Variants in PRELID2 observed in about 807,000 individuals in gnomAD.
PRELID2 encodes PRELI domain-containing protein 2.
PRELID2 carries 25 observed loss-of-function variants against 28.4 expected under a neutral mutation model. The observed-to-expected ratio is 0.88, with a 90% confidence interval of 0.64 to 1.23. The LOEUF is 1.23. PRELID2 is among the 50% of genes most tolerant of loss of function. The probability of loss-of-function intolerance (pLI) is 0.00; values close to 1 mark genes in which losing one functional copy is unlikely to be tolerated. For missense variants in PRELID2, 201 were observed against 214.4 expected (o/e 0.94, Z 0.39); for synonymous variants, 76 against 71.6 (o/e 1.06, Z -0.31).
the PRELID2 span, among the ~76,000 whole-genome samples, chr5:145,405,074 C>G: frequency 6.6e-6 from 1 of 152,142 alleles, no homozygotes; most frequent in African/African-American, 2.4e-5. Flanking sequence ...AAAAAAACTT[C>G]AAGTGCCACG....
rs555276893 is a variant in PRELID2, at chr5:145,803,816, T to C, written c.369-7269A>G. 2.6e-5 allele frequency among the ~76,000 whole-genome samples: 4 copies of C among 151,184 alleles called. No homozygotes were observed. The East Asian group carries it at 7.8e-4, about 29-fold the overall frequency. On this transcript the variant is annotated intron_variant, in intron 4 of 6. Coordinates refer to ENST00000683046, the MANE Select transcript of PRELID2 (RefSeq NM_205846.3). ...CCAGCCCGAGGCAACTCCAAGACTC[T>C]GTAATTCATTAACTTCTAGGTGGAA...
the PRELID2 span, among the ~76,000 whole-genome samples, chr5:145,255,672 T>C: frequency 6.6e-6 from 1 of 151,882 alleles, no homozygotes; most frequent in East Asian, 1.9e-4. Context: ...TCCCAGCTAC[T>C]TGGGAGGCCA....
At chr5:145,330,436 T>C in the PRELID2 span, among the ~76,000 whole-genome samples, 1 of 152,244 alleles carries the variant, frequency 6.6e-6, no homozygotes, top group African/African-American at 2.4e-5. Context: ...TATTAATTGC[T>C]GCCTCAATTT....
intron 1 of PRELID2, among the ~76,000 whole-genome samples, chr5:145,742,160 AATTT>A (rs1235627878): frequency 1.0e-4 from 12 of 117,162 alleles, no homozygotes; most frequent in African/African-American, 1.9e-4. Flanking sequence ...ATTTATTATA[AATTT>A]ATTTATTAAT....
intron 1 of PRELID2, among the ~76,000 whole-genome samples, chr5:145,734,834 A>G (rs72811552): frequency 6.6e-6 from 1 of 152,362 alleles, no homozygotes; most frequent in Non-Finnish European, 1.5e-5. Context: ...TAAATGGCAG[A>G]CTAACTAAGG....
the PRELID2 span, among the ~76,000 whole-genome samples, chr5:145,449,312 G>A: frequency 6.6e-6 from 1 of 152,064 alleles, no homozygotes; most frequent in African/African-American, 2.4e-5. Flanking sequence ...TTTATTGAGT[G>A]GTGGAGGGAC....
chr5:145,412,672 C>T, the PRELID2 span, among the ~76,000 whole-genome samples: 1 of 152,192 alleles, frequency 6.6e-6, no homozygotes, highest in Admixed American at 6.5e-5. Context: ...ACTGTTTACA[C>T]ATTTCAGGTG....
the PRELID2 span, among the ~76,000 whole-genome samples, chr5:145,265,518 C>A: frequency 3.9e-5 from 6 of 152,214 alleles, no homozygotes; most frequent in African/African-American, 1.4e-4. Context: ...CAAAGCAAGA[C>A]TAAGCAAAAA....
chr5:145,418,205 A>T, the PRELID2 span, among the ~76,000 whole-genome samples: 1 of 152,156 alleles, frequency 6.6e-6, no homozygotes, highest in Non-Finnish European at 1.5e-5. Context: ...CATTTCCAGG[A>T]GAACTATAAA....
intron 1 of PRELID2, among the ~76,000 whole-genome samples, chr5:145,537,172 T>A (rs1385233647): frequency 1.3e-5 from 2 of 151,834 alleles, no homozygotes; most frequent in Non-Finnish European, 1.5e-5. Flanking sequence ...TATATTTTGA[T>A]CCTAGGGGAA....
the PRELID2 span, among the ~76,000 whole-genome samples, chr5:145,449,778 A>C: frequency 6.6e-6 from 1 of 152,088 alleles, no homozygotes; most frequent in Admixed American, 6.6e-5. Flanking sequence ...CTTCACAGTG[A>C]TTATTGTCAT....
chr5:145,449,196 T>C, the PRELID2 span, among the ~76,000 whole-genome samples: 1 of 152,048 alleles, frequency 6.6e-6, no homozygotes, highest in Admixed American at 6.6e-5. Context: ...TGAGGCTGAG[T>C]CCCACGTGTT....
At position 145,796,325 on chromosome 5, in the gene PRELID2, G is replaced by A. The variant is rs185554544; in HGVS notation, c.474+117C>T. 2,307 of 533,664 alleles carry A rather than the reference G, an allele frequency of 4.3e-3. 10 individuals carry two copies. Among genetic ancestry groups the A allele is most frequent in the Middle Eastern group, 0.013 (34 of 2,692 alleles). The allele number at this position is 533,664 out of a possible 1,614,324, so 33.1% of individuals were successfully genotyped here. A position where few individuals can be genotyped will look rare whatever the true frequency, so the allele number is the denominator to read the frequency against. On this transcript the variant is annotated intron_variant, in intron 5 of 6. Coordinates refer to ENST00000683046, the MANE Select transcript of PRELID2 (RefSeq NM_205846.3). The stretch of plus-strand genomic sequence containing the variant: ...AGGTTGATTATTTTTGCATATATTT[G>A]TTTATTAACTATATGTTTTTCTCAT...
intron 1 of PRELID2, among the ~76,000 whole-genome samples, chr5:145,605,414 A>G (rs1753490497): frequency 6.6e-6 from 1 of 152,168 alleles, no homozygotes; most frequent in Admixed American, 6.6e-5. Context: ...TCCCAGCACC[A>G]TTTATTAAAT....
intron 1 of PRELID2, among the ~76,000 whole-genome samples, chr5:145,532,556 G>C (rs1447842593): frequency 1.3e-5 from 2 of 151,988 alleles, no homozygotes; most frequent in Non-Finnish European, 2.9e-5. Context: ...CAATAGATCT[G>C]CAGAATGTAT....
chr5:145,423,949 C>A, the PRELID2 span, among the ~76,000 whole-genome samples: 1 of 150,672 alleles, frequency 6.6e-6, no homozygotes, highest in African/African-American at 2.4e-5. Flanking sequence ...AGTTTTCCTT[C>A]TAACAGAGAG....
chr5:145,408,691 G>A, the PRELID2 span, among the ~76,000 whole-genome samples: 1 of 151,876 alleles, frequency 6.6e-6, no homozygotes, highest in South Asian at 2.1e-4. Context: ...TTGTAAAAAT[G>A]AACAAAGCCT....
chr5:145,647,557 G>C (rs1213335270), intron 1 of PRELID2, among the ~76,000 whole-genome samples: 1 of 152,134 alleles, frequency 6.6e-6, no homozygotes, highest in African/African-American at 2.4e-5. Flanking sequence ...CATTCCAGGT[G>C]CCACTGGCAT....
chr5:145,623,807 C>T (rs995348366), intron 1 of PRELID2, among the ~76,000 whole-genome samples: 6 of 152,262 alleles, frequency 3.9e-5, no homozygotes, highest in East Asian at 1.9e-4. Flanking sequence ...TTTCCAACAG[C>T]GCTCCCCAAC....
Sources: allele counts gnomAD v4.1 joint callset (sites outside exome capture counted in the v4.1 genomes callset), GRCh38; gene constraint gnomAD v4.1.1; transcripts MANE v1.5; gene names NCBI Gene and HGNC (gene_info 2026-07-23, HGNC 2026-07-21).